The following CDK14 variants were observed in gnomAD, a reference collection of about 807,000 sequenced individuals.
CDK14 encodes the protein cyclin dependent kinase 14.
Under a neutral mutation model 60.7 loss-of-function variants are expected in CDK14, and 34 were observed. The observed-to-expected ratio is 0.56, with a 90% CI of 0.43 to 0.75. CDK14 has a LOEUF of 0.75. Ranked by LOEUF, CDK14 falls within the 30% of genes least tolerant of loss-of-function variation. The pLI is 0.00. For synonymous variants in CDK14, 197 were observed against 203.7 expected (o/e 0.97, Z 0.28); for missense variants, 482 against 564.1 (o/e 0.85, Z 1.47).
intron 12 of CDK14, among the ~76,000 whole-genome samples, chr7:91,093,329 A>T (rs746486286): frequency 6.6e-6 from 1 of 152,178 alleles, no homozygotes; most frequent in African/African-American, 2.4e-5. Context: ...GGAAATCAAG[A>T]TGTATAAAAC....
intron 11 of CDK14, among the ~76,000 whole-genome samples, chr7:91,048,476 T>C (rs1797301125): frequency 6.6e-6 from 1 of 152,198 alleles, no homozygotes; most frequent in African/African-American, 2.4e-5. Flanking sequence ...TGCCTATACA[T>C]ACACATACAC....
At chr7:90,672,095 C>T (rs1312671133) in intron 2 of CDK14, among the ~76,000 whole-genome samples, 1 of 152,130 alleles carries the variant, frequency 6.6e-6, no homozygotes, top group Non-Finnish European at 1.5e-5. Flanking sequence ...GAGGTGAAAT[C>T]TGAGTAAAGC....
At chr7:90,733,401 C>A (rs1802952954) in intron 3 of CDK14, among the ~76,000 whole-genome samples, 1 of 152,130 alleles carries the variant, frequency 6.6e-6, no homozygotes, top group South Asian at 2.1e-4. Context: ...TGTTAATTTT[C>A]TGTCTAATTG....
intron 2 of CDK14, among the ~76,000 whole-genome samples, chr7:90,638,735 T>C (rs183809061): frequency 6.6e-6 from 1 of 152,348 alleles, no homozygotes; most frequent in East Asian, 1.9e-4. Flanking sequence ...TTTTCCAACT[T>C]GGTTATATTC....
chr7:91,174,757 A>C (rs1348936936), intron 14 of CDK14, among the ~76,000 whole-genome samples: 1 of 101,642 alleles, frequency 9.8e-6, no homozygotes, highest in African/African-American at 4.3e-5. Flanking sequence ...AGTTTAGAGA[A>C]AAAAGAATAA....
chr7:90,953,786 T>C (rs917670940), intron 8 of CDK14, among the ~76,000 whole-genome samples: 1 of 152,166 alleles, frequency 6.6e-6, no homozygotes, highest in Admixed American at 6.5e-5. Context: ...ATGGAACAAG[T>C]CAGAACCTAT....
At chr7:90,900,530 T>C (rs1304383364) in intron 7 of CDK14, among the ~76,000 whole-genome samples, 2 of 152,178 alleles carry the variant, frequency 1.3e-5, no homozygotes, top group African/African-American at 2.4e-5. Flanking sequence ...TTTTTAACAT[T>C]AAAATCTCAA....
intron 4 of CDK14, among the ~76,000 whole-genome samples, chr7:90,788,556 A>G (rs2116959392): frequency 6.6e-6 from 1 of 152,342 alleles, no homozygotes; most frequent in South Asian, 2.1e-4. Context: ...CCTTGAGGAG[A>G]TGGTACGTTG....
intron 5 of CDK14, among the ~76,000 whole-genome samples, chr7:90,811,889 G>A (rs1789136248): frequency 6.6e-6 from 1 of 152,214 alleles, no homozygotes; most frequent in Non-Finnish European, 1.5e-5. Context: ...CTGGCCATCA[G>A]AGAAATGCAA....
chr7:90,705,317 C>CGGAAA (rs1563050913), intron 2 of CDK14, among the ~76,000 whole-genome samples: 2 of 151,502 alleles, frequency 1.3e-5, no homozygotes, highest in East Asian at 3.9e-4. Context: ...AAGTGTTTTC[C>CGGAAA]CTTCACAGGC....
intron 2 of CDK14, among the ~76,000 whole-genome samples, chr7:90,630,053 A>G (rs947967764): frequency 9.5e-5 from 7 of 73,530 alleles, no homozygotes; most frequent in Non-Finnish European, 1.7e-4. Context: ...AAAACAAAAC[A>G]AAACAAAACA....
chr7:91,158,369 T>C (rs1337873336), intron 14 of CDK14, among the ~76,000 whole-genome samples: 1 of 151,892 alleles, frequency 6.6e-6, no homozygotes, highest in Non-Finnish European at 1.5e-5. Flanking sequence ...CATGCTATCA[T>C]GCCCAGCTAA....
chr7:90,910,524 C>T (rs556482522), intron 7 of CDK14, among the ~76,000 whole-genome samples: 7 of 152,078 alleles, frequency 4.6e-5, no homozygotes, highest in African/African-American at 1.2e-4. Context: ...AATGATACGG[C>T]GTTAAATATG....
At chr7:90,774,237 C>T (rs992469411) in intron 4 of CDK14, among the ~76,000 whole-genome samples, 8 of 152,046 alleles carry the variant, frequency 5.3e-5, no homozygotes, top group East Asian at 3.9e-4. Flanking sequence ...TTATATATAA[C>T]GCTTAGAATT....
intron 10 of CDK14, among the ~76,000 whole-genome samples, chr7:90,991,802 G>A (rs955515683): frequency 6.6e-6 from 1 of 152,186 alleles, no homozygotes; most frequent in African/African-American, 2.4e-5. Context: ...TTGATGTTTT[G>A]GTGATGCTGG....
chr7:90,755,825 T>C (rs1321120029), intron 4 of CDK14, among the ~76,000 whole-genome samples: 3 of 152,178 alleles, frequency 2.0e-5, no homozygotes, highest in African/African-American at 7.2e-5. Context: ...AAAATAGCAG[T>C]ACTTTACCAT....
chr7:91,126,766 A>C (rs1584098820), intron 14 of CDK14, among the ~76,000 whole-genome samples: 2 of 152,212 alleles, frequency 1.3e-5, no homozygotes, highest in African/African-American at 4.8e-5. Context: ...AGAGACTTAA[A>C]GTATTCTCAT....
rs1368156425 is a variant in CDK14, at chr7:90,891,534, T to C, written c.640-7757T>C. On this transcript the variant is annotated intron_variant, in intron 6 of 14. Coordinates refer to ENST00000380050, the MANE Select transcript of CDK14 (RefSeq NM_001287135.2). The stretch of plus-strand genomic sequence containing the variant: ...ACTATTTTCATTTGTGTGTATGTTA[T>C]AAAATCTATACAAAGCTTGAATATA... 2.0e-5 allele frequency among the ~76,000 whole-genome samples: 3 copies of C among 152,372 alleles called. No individual in the cohort carries two copies. In the East Asian group the frequency reaches 5.8e-4, roughly 29 times the overall value.
At chr7:91,037,013 T>C (rs1276484953) in intron 10 of CDK14, among the ~76,000 whole-genome samples, 4 of 152,200 alleles carry the variant, frequency 2.6e-5, no homozygotes, top group Non-Finnish European at 5.9e-5. Flanking sequence ...ACCCTCCTAA[T>C]CTCTTTTGAC....
Sources: allele counts gnomAD v4.1 joint callset (sites outside exome capture counted in the v4.1 genomes callset), GRCh38; gene constraint gnomAD v4.1.1; transcripts MANE v1.5; gene names NCBI Gene and HGNC (gene_info 2026-07-23, HGNC 2026-07-21).